CREBBP: variants seen among roughly 807,000 people sequenced by gnomAD.
CREBBP encodes CREB-binding protein.
Under a neutral mutation model 265.0 loss-of-function variants are expected in CREBBP, and 19 were observed. The ratio of observed to expected loss-of-function variants is 0.07; its 90% CI spans 0.05 to 0.11. CREBBP has a LOEUF of 0.11. Ranked by LOEUF, CREBBP falls within the 10% of genes least tolerant of loss-of-function variation. CREBBP has a pLI of 1.00. For synonymous variants in CREBBP, 1,457 were observed against 1,223.7 expected, an observed-to-expected ratio of 1.19 and a Z score of -3.98; for missense variants, 2,525 against 3,219.0, an observed-to-expected ratio of 0.78 and a Z score of 5.22.
At chr16:3,865,386 T>C (rs566984529) in intron 1 of CREBBP, among the ~76,000 whole-genome samples, 2 of 152,134 alleles carry the variant, frequency 1.3e-5, no homozygotes, top group Non-Finnish European at 2.9e-5. Context: ...GGTAGACAAC[T>C]GTAAGAAGAC....
At chr16:3,792,546 T>C (rs1232312082) in intron 4 of CREBBP, among the ~76,000 whole-genome samples, 3 of 152,180 alleles carry the variant, frequency 2.0e-5, no homozygotes, top group Non-Finnish European at 4.4e-5. Flanking sequence ...CTCTGGGCAC[T>C]TGGTGAAGAA....
intron 23 of CREBBP, chr16:3,742,586 A>G (rs1403889876): frequency 6.6e-6 from 1 of 151,880 alleles, no homozygotes; most frequent in Non-Finnish European, 1.5e-5. Context: ...AACACAATAA[A>G]ATTATTATCT....
intron 8 of CREBBP, 32 bp from the exon 9 acceptor site, chr16:3,778,849 T>C (rs2053206070): frequency 6.3e-7 from 1 of 1,592,926 alleles, no homozygotes; most frequent in Admixed American, 1.7e-5. Context: ...CAAACTACTT[T>C]TTTTTTTCTT....
At chr16:3,780,496 G>C (rs780734381) in intron 8 of CREBBP, among the ~76,000 whole-genome samples, 3 of 152,138 alleles carry the variant, frequency 2.0e-5, no homozygotes, top group Non-Finnish European at 1.5e-5. Flanking sequence ...CTGCAAGTCA[G>C]TGCCCCTCGG....
chr16:3,866,689 A>G (rs923184110), intron 1 of CREBBP, among the ~76,000 whole-genome samples: 6 of 152,174 alleles, frequency 3.9e-5, no homozygotes, highest in African/African-American at 1.4e-4. Flanking sequence ...TATAAAATGA[A>G]AAACAGCCCC....
intron 3 of CREBBP, among the ~76,000 whole-genome samples, chr16:3,798,214 C>A (rs1174076810): frequency 6.6e-6 from 1 of 152,212 alleles, no homozygotes; most frequent in Non-Finnish European, 1.5e-5. Context: ...GTAAGAGTGA[C>A]AATCGTACCA....
At chr16:3,822,045 ACT>A (rs1233672711) in intron 2 of CREBBP, among the ~76,000 whole-genome samples, 4 of 152,178 alleles carry the variant, frequency 2.6e-5, no homozygotes, top group East Asian at 1.9e-4. Flanking sequence ...ACACAGCAAG[ACT>A]CTGTCACACA....
At chr16:3,857,187 C>G (rs2054981465) in intron 1 of CREBBP, among the ~76,000 whole-genome samples, 1 of 152,130 alleles carries the variant, frequency 6.6e-6, no homozygotes, top group African/African-American at 2.4e-5. Flanking sequence ...AAGTTGTAAG[C>G]AGGGCTTATG....
Position 3,727,811 on chromosome 16 carries a change from C to G in CREBBP, c.7236G>C (p.Leu2412=), listed in dbSNP as rs745992971. ...ACAGCGCACTCCTGCTGGGGGTGTT[C>G]AGCTGGGGGAGCATTGCACTCTGTT... ...NPEQSAMLPQ[L]NTPSRSALSS... is the part of the protein sequence containing the mutation. Residue 2412 remains leucine (L), a synonymous_variant, in exon 31 of 31, where the codon CTG becomes CTC. Transcript: ENST00000262367. The G allele has an allele frequency of 6.2e-7, 1 of 1,614,176 alleles. No individual in the cohort carries two copies. The highest frequency in any genetic ancestry group is 1.3e-5 in the African/African-American group (1 of 75,036).
rs566062184 is a variant in CREBBP, at chr16:3,729,770, T to C, written c.5277A>G (p.Pro1759=). ...LDDEGSSQGE[P]QSKSPQESRR... ...GTGACTCCTGGGGGCTCTTTGACTG[T>C]GGCTCGCCCTGGCTGCTGCCCTCGT... Residue 1759 remains proline, a synonymous_variant, in exon 31 of 31, where the codon CCA becomes CCG. Transcript: ENST00000262367. The C allele has an allele frequency of 1.7e-4, 275 of 1,604,894 alleles. 2 individuals carry two copies. In the South Asian group the frequency reaches 2.9e-3, roughly 17 times the overall value.
intron 9 of CREBBP, 75 bp from the exon 10 acceptor site, chr16:3,778,257 T>C (rs2141235446): frequency 8.0e-7 from 1 of 1,252,918 alleles, no homozygotes; most frequent in Non-Finnish European, 1.2e-6. Context: ...TTGTAGGTTC[T>C]AACTAATGAA....
At chr16:3,780,128 G>A (rs1043975563) in intron 8 of CREBBP, among the ~76,000 whole-genome samples, 3 of 151,720 alleles carry the variant, frequency 2.0e-5, no homozygotes, top group Non-Finnish European at 2.9e-5. Context: ...TGTAATCCCA[G>A]GTACTCGGGA....
chr16:3,858,504 G>C (rs1015723974), intron 1 of CREBBP, among the ~76,000 whole-genome samples: 1 of 152,140 alleles, frequency 6.6e-6, no homozygotes, highest in Non-Finnish European at 1.5e-5. Flanking sequence ...ACGTGCGTGG[G>C]GCTGTAAGCT....
Position 3,739,319 on chromosome 16 carries a change from C to T in CREBBP, c.4280+259G>A, listed in dbSNP as rs73493517. ...GTGCCAGGCTGTCCCATCCCAACTC[C>T]CCAGGTTTACCTGCGTTAGGTAAGA... On this transcript the variant is annotated intron_variant, in intron 25 of 30. Transcript: ENST00000262367. The T allele has an allele frequency of 0.018, 9,333 of 519,754 alleles. 649 individuals carry two copies. The highest frequency in any genetic ancestry group is 0.16 in the African/African-American group (8,171 of 52,232). 32.2% of individuals were successfully genotyped at this position (519,754 alleles called of 1,614,324 possible). A position where few individuals can be genotyped will look rare whatever the true frequency, so the allele number is the denominator to read the frequency against.
intron 2 of CREBBP, among the ~76,000 whole-genome samples, chr16:3,834,934 G>A (rs1279203597): frequency 3.9e-5 from 6 of 152,102 alleles, no homozygotes; most frequent in African/African-American, 1.4e-4. Context: ...CGAGGCGGGC[G>A]GATCACGAGG....
At chr16:3,846,570 T>G (rs1403967947) in intron 2 of CREBBP, among the ~76,000 whole-genome samples, 2 of 152,196 alleles carry the variant, frequency 1.3e-5, no homozygotes, top group Admixed American at 1.3e-4. Context: ...TCAGCCTACA[T>G]GGCACAAGTC....
intron 20 of CREBBP, 129 bp downstream of exon 20, chr16:3,751,596 CA>C (rs1319648798): frequency 6.3e-6 from 6 of 958,034 alleles, no homozygotes; most frequent in Non-Finnish European, 9.9e-6. Flanking sequence ...GTCTCAAAAA[CA>C]AAAAACCAAA....
rs2054101719 is a variant in CREBBP at position 3,819,462 on chromosome 16, T to C, written c.799-8683A>G. Among the ~76,000 whole-genome samples, 4 of 152,210 alleles carry C rather than the reference T, an allele frequency of 2.6e-5. No individual in the cohort carries two copies. In the South Asian group the frequency reaches 8.3e-4, roughly 32 times the overall value. On this transcript the variant is annotated intron_variant, in intron 2 of 30. Transcript: ENST00000262367. ...CTACATATGATTTCTTTCCTGACCA[T>C]GCTTAAACAGTAATGAAATAAAGGA...
chr16:3,768,136 G>GGTTTTTTT (rs2052904875), intron 15 of CREBBP, among the ~76,000 whole-genome samples: 1 of 51,590 alleles, frequency 1.9e-5, no homozygotes, highest in East Asian at 7.1e-4. Context: ...ATTTAAAAGT[G>GGTTTTTTT]TTTTTTTTTT....
Sources: allele counts gnomAD v4.1 joint callset (sites outside exome capture counted in the v4.1 genomes callset), GRCh38; gene constraint gnomAD v4.1.1; transcripts MANE v1.5; gene names NCBI Gene and HGNC (gene_info 2026-07-23, HGNC 2026-07-21).